Variants in DPYD observed in about 807,000 individuals in gnomAD.
The protein encoded by DPYD is dihydropyrimidine dehydrogenase.
In DPYD, 109 loss-of-function variants were observed where a neutral mutation model predicts 116.2. The ratio of observed to expected loss-of-function variants is 0.94; its 90% CI spans 0.80 to 1.10. The LOEUF is 1.10. DPYD is among the 50% of genes least tolerant of loss of function. The probability of loss-of-function intolerance (pLI) is 0.00; values close to 1 mark genes in which losing one functional copy is unlikely to be tolerated. For synonymous variants in DPYD, 440 were observed against 432.0 expected (o/e 1.02, Z -0.23); for missense variants, 1,302 against 1,254.5 (o/e 1.04, Z -0.57).
At chr1:97,782,066 A>C (rs1298487243) in intron 3 of DPYD, among the ~76,000 whole-genome samples, 1 of 152,186 alleles carries the variant, frequency 6.6e-6, no homozygotes, top group Non-Finnish European at 1.5e-5. Flanking sequence ...ACTGGAAGGT[A>C]TTAGTACAAG....
intron 20 of DPYD, among the ~76,000 whole-genome samples, chr1:97,177,566 CTTTT>C (rs77118571): frequency 7.4e-6 from 1 of 135,186 alleles, no homozygotes. Context: ...TTCTTTCTTT[CTTTT>C]TTTTTTTTTT....
At position 97,770,811 on chromosome 1, in the gene DPYD, C is replaced by T. The variant is rs536660047; in HGVS notation, c.234-30332G>A. 1.8e-3 allele frequency among the ~76,000 whole-genome samples: 269 copies of T among 152,136 alleles called. 1 individual carries two copies. The highest frequency in any genetic ancestry group is 3.4e-3 in the Non-Finnish European group (231 of 67,990). ...AACATTTACTAGTTCCTTAATATAT[C>T]TTATTATAATCTTAAAATGATATGT... On this transcript the variant is annotated intron_variant, in intron 3 of 22. Coordinates refer to ENST00000370192, the MANE Select transcript of DPYD (RefSeq NM_000110.4).
In DPYD at chr1:97,921,016, A is replaced by T; in HGVS notation, c.-94T>A. 1.3e-6 allele frequency: 2 copies of T among 1,492,074 alleles called. No homozygotes were observed. The highest frequency in any genetic ancestry group is 2.4e-5 in the South Asian group (2 of 82,816). The allele number at this position is 1,492,074 out of a possible 1,614,324, so 92.4% of individuals were successfully genotyped here. On this transcript the variant is annotated 5_prime_UTR_variant, in exon 1 of 23. Transcript: ENST00000370192. The stretch of plus-strand genomic sequence containing the variant: ...GCCAAGTGACAGCAGCCGGAGCGCG[A>T]GTCGAAAACAGGCAGACTAGGGCCG...
intron 8 of DPYD, among the ~76,000 whole-genome samples, chr1:97,601,511 T>C (rs1342333524): frequency 1.3e-5 from 2 of 152,016 alleles, no homozygotes; most frequent in Non-Finnish European, 2.9e-5. Flanking sequence ...GATAAGCTAT[T>C]CCTGATTCAA....
chr1:97,729,446 T>C lies in DPYD; in HGVS notation c.322-7775A>G, dbSNP rs148956247. On this transcript the variant is annotated intron_variant, in intron 4 of 22. Transcript: ENST00000370192. ...TACTATACAATAGATTCAGTGAACT[T>C]AGGTTCCCACTCTACCCCTTTAGGC... Among the ~76,000 whole-genome samples the C allele has an allele frequency of 9.2e-3, 1,406 of 152,244 alleles. 8 individuals are homozygous for C. The highest frequency in any genetic ancestry group is 0.015 in the Non-Finnish European group (990 of 67,988).
Position 97,682,928 on chromosome 1 carries a change from T to C in DPYD, c.763-3746A>G, listed in dbSNP as rs920288438. 6.6e-5 allele frequency among the ~76,000 whole-genome samples: 10 copies of C among 152,128 alleles called. No homozygotes were observed. In the East Asian group the frequency reaches 1.2e-3, roughly 18 times the overall value. Reference sequence around the variant, plus strand: ...TATTCCAGCAGTTCTGAATGTCATATACCCTGAGCCAAAGTTCCATCTAAT... The same window carrying C: ...TATTCCAGCAGTTCTGAATGTCATACACCCTGAGCCAAAGTTCCATCTAAT... On this transcript the variant is annotated intron_variant, in intron 7 of 22. Coordinates refer to ENST00000370192, the MANE Select transcript of DPYD (RefSeq NM_000110.4).
chr1:97,492,729 T>C (rs755755134), intron 13 of DPYD, among the ~76,000 whole-genome samples: 1 of 152,136 alleles, frequency 6.6e-6, no homozygotes, highest in East Asian at 1.9e-4. Flanking sequence ...ATAATAAACA[T>C]TTTTATCCAA....
rs542566240 is a variant in DPYD at position 97,249,826 on chromosome 1, G to A, written c.2300-14832C>T. Among the ~76,000 whole-genome samples the A allele has an allele frequency of 2.6e-5, 4 of 152,268 alleles. No individual in the cohort carries two copies. The South Asian group carries it at 8.3e-4, about 32-fold the overall frequency. On this transcript the variant is annotated intron_variant, in intron 18 of 22. Coordinates refer to ENST00000370192, the MANE Select transcript of DPYD (RefSeq NM_000110.4). ...ATGATCAATAAATACATAAAAAAGT[G>A]TTCCACATCAGGGAACTCGAAATTA... is the stretch of plus-strand genomic sequence containing the variant.
intron 3 of DPYD, among the ~76,000 whole-genome samples, chr1:97,801,681 A>G (rs571685589): frequency 6.6e-6 from 1 of 151,834 alleles, no homozygotes; most frequent in Non-Finnish European, 1.5e-5. Flanking sequence ...GGGCATGCAA[A>G]TATCTGAGGG....
intron 2 of DPYD, among the ~76,000 whole-genome samples, chr1:97,868,307 T>C (rs184510987): frequency 1.7e-3 from 252 of 151,820 alleles, no homozygotes; most frequent in African/African-American, 5.7e-3. Flanking sequence ...CAGTAGGCCA[T>C]AAAGGAAGGG....
chr1:97,593,696 T>G (rs1468662688), intron 9 of DPYD, among the ~76,000 whole-genome samples: 1 of 152,200 alleles, frequency 6.6e-6, no homozygotes, highest in African/African-American at 2.4e-5. Flanking sequence ...TCATCAAAAT[T>G]GTGCTATCTA....
At chr1:97,536,400 A>G (rs918006952) in intron 12 of DPYD, among the ~76,000 whole-genome samples, 1 of 152,178 alleles carries the variant, frequency 6.6e-6, no homozygotes, top group African/African-American at 2.4e-5. Context: ...CATATCTTAA[A>G]CTGAAGGACA....
intron 6 of DPYD, among the ~76,000 whole-genome samples, chr1:97,694,593 T>C (rs1661196051): frequency 6.6e-6 from 1 of 152,150 alleles, no homozygotes; most frequent in South Asian, 2.1e-4. Flanking sequence ...CTTTGGTTCT[T>C]GCATCCCAAC....
At chr1:97,326,872 CAATT>C (rs1484848634) in intron 16 of DPYD, among the ~76,000 whole-genome samples, 6 of 151,796 alleles carry the variant, frequency 4.0e-5, no homozygotes, top group South Asian at 2.1e-4. Context: ...ACAAATATAG[CAATT>C]AATTATCATT....
intron 4 of DPYD, among the ~76,000 whole-genome samples, chr1:97,735,444 A>G (rs1663871707): frequency 6.6e-6 from 1 of 151,644 alleles, no homozygotes; most frequent in Non-Finnish European, 1.5e-5. Context: ...TGGGAGGCCA[A>G]AGCAGGCAGA....
At chr1:97,209,885 T>C (rs183898414) in intron 19 of DPYD, among the ~76,000 whole-genome samples, 4 of 152,306 alleles carry the variant, frequency 2.6e-5, no homozygotes, top group East Asian at 1.9e-4. Flanking sequence ...AATTGTTGAT[T>C]TGGAGATAAT....
chr1:97,098,173 T>G (rs1389779875), intron 21 of DPYD, among the ~76,000 whole-genome samples: 2 of 152,132 alleles, frequency 1.3e-5, no homozygotes, highest in Non-Finnish European at 2.9e-5. Context: ...GAGTTAATTA[T>G]GTATTAAAAT....
intron 13 of DPYD, among the ~76,000 whole-genome samples, chr1:97,456,540 T>C (rs1676697151): frequency 6.6e-6 from 1 of 151,910 alleles, no homozygotes; most frequent in South Asian, 2.1e-4. Flanking sequence ...TGTAATCTCT[T>C]AGGCCAGATT....
chr1:97,451,643 G>C (rs1018524041), intron 13 of DPYD, among the ~76,000 whole-genome samples: 2 of 152,044 alleles, frequency 1.3e-5, no homozygotes, highest in African/African-American at 4.8e-5. Context: ...GTTACTCCAC[G>C]AAGCTCAAGC....
Sources: allele counts gnomAD v4.1 joint callset (sites outside exome capture counted in the v4.1 genomes callset), GRCh38; gene constraint gnomAD v4.1.1; transcripts MANE v1.5; gene names NCBI Gene and HGNC (gene_info 2026-07-23, HGNC 2026-07-21).